Variants in ERC2 observed in about 807,000 individuals in gnomAD.
ERC2 encodes ELKS/RAB6-interacting/CAST family member 2, also known as ERC protein 2.
ERC2 carries 42 observed loss-of-function variants against 114.8 expected under a neutral mutation model. The ratio of observed to expected loss-of-function variants is 0.37; its 90% CI spans 0.29 to 0.47. The LOEUF is 0.47. Among genes scored for constraint, ERC2 ranks in the 20% least tolerant of loss-of-function variants. The pLI is 0.99. For missense variants in ERC2, 939 were observed against 1,150.7 expected (o/e 0.82, Z 2.66); for synonymous variants, 454 against 425.5 (o/e 1.07, Z -0.82).
rs138478628 is a variant in ERC2, at chr3:56,373,054, T to C, written c.657+61297A>G. On this transcript the variant is annotated intron_variant, in intron 2 of 17. Coordinates refer to ENST00000288221, the MANE Select transcript of ERC2 (RefSeq NM_015576.3). ...GTGTTGTACTTTGACAAATACAGAA[T>C]GTAAATTCTTTTAGTGCTTCAATTT... Among the ~76,000 whole-genome samples the C allele has an allele frequency of 8.6e-3, 1,305 of 152,376 alleles. 8 individuals carry two copies. The highest frequency in any genetic ancestry group is 0.015 in the Non-Finnish European group (1,035 of 68,032).
intron 17 of ERC2, among the ~76,000 whole-genome samples, chr3:55,606,092 C>T (rs984610149): frequency 3.3e-5 from 5 of 152,104 alleles, no homozygotes; most frequent in Admixed American, 6.5e-5. Flanking sequence ...TGTGAGGCTT[C>T]GGTTTCCATG....
At chr3:56,187,920 G>A (rs1449377293) in intron 3 of ERC2, among the ~76,000 whole-genome samples, 3 of 152,144 alleles carry the variant, frequency 2.0e-5, no homozygotes, top group Non-Finnish European at 4.4e-5. Context: ...TGGCAGTCAG[G>A]CAAGGTCCCC....
chr3:56,128,405 G>A (rs1284585051), intron 6 of ERC2, among the ~76,000 whole-genome samples: 1 of 152,126 alleles, frequency 6.6e-6, no homozygotes, highest in East Asian at 1.9e-4. Context: ...CTGACGCACT[G>A]GAGATCCAAT....
chr3:55,798,325 C>T (rs1351636989), intron 14 of ERC2, among the ~76,000 whole-genome samples: 2 of 152,132 alleles, frequency 1.3e-5, no homozygotes, highest in African/African-American at 4.8e-5. Flanking sequence ...GGTGCAGTGG[C>T]TCATGCCTGT....
At chr3:56,083,937 G>C (rs1413604259) in intron 6 of ERC2, among the ~76,000 whole-genome samples, 1 of 151,844 alleles carries the variant, frequency 6.6e-6, no homozygotes, top group Non-Finnish European at 1.5e-5. Context: ...GGAAGTAAAG[G>C]ATTGCTGCAT....
chr3:56,408,724 G>C (rs574884060), intron 2 of ERC2, among the ~76,000 whole-genome samples: 4 of 152,354 alleles, frequency 2.6e-5, no homozygotes, highest in African/African-American at 4.8e-5. Flanking sequence ...TAAACGAGGT[G>C]GTAAGGTAAG....
chr3:55,609,563 C>T (rs1471097958), intron 17 of ERC2, among the ~76,000 whole-genome samples: 1 of 152,062 alleles, frequency 6.6e-6, no homozygotes, highest in African/African-American at 2.4e-5. Context: ...CCCTCTATTC[C>T]CTGTCGCTTC....
chr3:55,817,026 C>T (rs185121958), intron 14 of ERC2, among the ~76,000 whole-genome samples: 1 of 152,122 alleles, frequency 6.6e-6, no homozygotes, highest in African/African-American at 2.4e-5. Flanking sequence ...ACTGAGCACA[C>T]GATGCTTCAA....
intron 6 of ERC2, among the ~76,000 whole-genome samples, chr3:56,087,862 A>T (rs1448416193): frequency 1.3e-5 from 2 of 152,166 alleles, no homozygotes; most frequent in African/African-American, 4.8e-5. Flanking sequence ...TTCAAACAGG[A>T]GACAGTTTCA....
intron 3 of ERC2, among the ~76,000 whole-genome samples, chr3:56,238,311 C>A (rs1391703561): frequency 6.6e-6 from 1 of 152,168 alleles, no homozygotes; most frequent in African/African-American, 2.4e-5. Flanking sequence ...TAGACAGGAT[C>A]CCCCAGATAA....
At chr3:55,579,055 C>T (rs2057128813) in intron 17 of ERC2, among the ~76,000 whole-genome samples, 1 of 152,074 alleles carries the variant, frequency 6.6e-6, no homozygotes, top group Admixed American at 6.5e-5. Context: ...GTCTTAAAAC[C>T]AGTCTAAATT....
chr3:55,783,970 A>C (rs1313363550), intron 14 of ERC2, among the ~76,000 whole-genome samples: 1 of 152,216 alleles, frequency 6.6e-6, no homozygotes, highest in Non-Finnish European at 1.5e-5. Context: ...TTAAATATAA[A>C]ATTTCTAAAA....
intron 15 of ERC2, among the ~76,000 whole-genome samples, chr3:55,731,954 G>A (rs2065275977): frequency 6.6e-6 from 1 of 152,070 alleles, no homozygotes; most frequent in African/African-American, 2.4e-5. Context: ...AGATAAGGAG[G>A]CCTCACAATT....
rs570563003 is a variant in ERC2 at position 56,042,130 on chromosome 3, C to G, written c.1642-23099G>C. 3.7e-4 allele frequency among the ~76,000 whole-genome samples: 56 copies of G among 152,224 alleles called. No homozygotes were observed. The East Asian group carries it at 0.01, about 27-fold the overall frequency. ...CTTTTAGAGAAGGAACTCTCAGCCC[C>G]CTTCCTGCACCTGCACATATAGTTA... On this transcript the variant is annotated intron_variant, in intron 7 of 17. Transcript: ENST00000288221.
chr3:56,187,336 G>A (rs1183980841), intron 3 of ERC2, among the ~76,000 whole-genome samples: 1 of 152,200 alleles, frequency 6.6e-6, no homozygotes, highest in Non-Finnish European at 1.5e-5. Context: ...AGGGTTGCTA[G>A]GGGTCTGAAT....
chr3:56,353,549 G>T (rs946660065), intron 2 of ERC2, among the ~76,000 whole-genome samples: 2 of 149,980 alleles, frequency 1.3e-5, no homozygotes, highest in Admixed American at 6.7e-5. Flanking sequence ...GCAAACTATC[G>T]CAAGGACAAA....
intron 17 of ERC2, among the ~76,000 whole-genome samples, chr3:55,661,906 A>G (rs1325249388): frequency 6.6e-6 from 1 of 152,102 alleles, no homozygotes; most frequent in African/African-American, 2.4e-5. Flanking sequence ...CAATCCATTT[A>G]TCAGGGAAAT....
chr3:55,672,555 G>A (rs767180539), intron 17 of ERC2, among the ~76,000 whole-genome samples: 17 of 152,168 alleles, frequency 1.1e-4, no homozygotes, highest in African/African-American at 2.2e-4. Context: ...TGCCCTCCTC[G>A]TAGAGCTGAT....
At chr3:56,167,889 G>A (rs969380060) in intron 4 of ERC2, among the ~76,000 whole-genome samples, 7 of 152,132 alleles carry the variant, frequency 4.6e-5, no homozygotes, top group Non-Finnish European at 1.0e-4. Context: ...ATGTAAAAAG[G>A]ATGAGTTTTG....
Sources: gnomAD v4.1 joint callset for allele counts (sites outside exome capture counted in the v4.1 genomes callset) on GRCh38, gnomAD v4.1.1 for gene constraint, MANE v1.5 for transcripts, NCBI Gene and HGNC (gene_info 2026-07-23, HGNC 2026-07-21) for gene names.